The following ISX variants were observed in gnomAD, a reference collection of about 807,000 sequenced individuals.
The protein encoded by ISX is intestine-specific homeobox.
ISX carries 15 observed loss-of-function variants against 16.9 expected under a neutral mutation model. The observed-to-expected ratio is 0.89, with a 90% CI of 0.59 to 1.36. The LOEUF (loss-of-function observed/expected upper bound fraction) is 1.36. Among genes scored for constraint, ISX ranks in the 40% most tolerant of loss-of-function variants. The probability of loss-of-function intolerance (pLI) is 0.00; values close to 1 mark genes in which losing one functional copy is unlikely to be tolerated. For synonymous variants in ISX, 125 were observed against 119.7 expected (o/e 1.04, Z -0.29); for missense variants, 316 against 306.1 (o/e 1.03, Z -0.24).
At chr22:35,075,079 A>C (rs546379247) in intron 2 of ISX, among the ~76,000 whole-genome samples, 1 of 152,344 alleles carries the variant, frequency 6.6e-6, no homozygotes, top group South Asian at 2.1e-4. Flanking sequence ...TACGATATAC[A>C]AACCTAACAA....
intron 3 of ISX, among the ~76,000 whole-genome samples, chr22:35,083,566 C>T (rs1316862047): frequency 6.6e-6 from 1 of 152,246 alleles, no homozygotes; most frequent in Non-Finnish European, 1.5e-5. Flanking sequence ...TCCACCAGAT[C>T]TCACTGTGGC....
At chr22:35,083,852 G>T (rs1348547916) in intron 3 of ISX, among the ~76,000 whole-genome samples, 1 of 152,224 alleles carries the variant, frequency 6.6e-6, no homozygotes, top group Non-Finnish European at 1.5e-5. Flanking sequence ...ATGGCCACAA[G>T]TCAGGGACCA....
At chr22:35,071,135 C>A (rs554192441) in intron 2 of ISX, among the ~76,000 whole-genome samples, 1 of 152,206 alleles carries the variant, frequency 6.6e-6, no homozygotes, top group Admixed American at 6.5e-5. Context: ...CCTCCCCGGC[C>A]CTGTCTACCT....
chr22:35,070,311 T>C (rs1469949936), intron 2 of ISX, among the ~76,000 whole-genome samples: 3 of 152,234 alleles, frequency 2.0e-5, no homozygotes. Context: ...CCCAGCCTCC[T>C]GCTCTCTCCT....
chr22:35,081,072 T>C (rs1453230953), intron 2 of ISX, among the ~76,000 whole-genome samples: 5 of 152,100 alleles, frequency 3.3e-5, no homozygotes, highest in Non-Finnish European at 7.4e-5. Context: ...AGCTAGCAAG[T>C]GGAATGAAGA....
Position 35,084,415 on chromosome 22 carries a change from G to A in ISX, c.414G>A (p.Arg138=), listed in dbSNP as rs372007711. ...TCCAGAATCAGCGAGCCAAGTGGCGGAAGCAGGAGAAGATTGGCAACCTGG... is the reference window on the plus strand; with the variant it reads ...TCCAGAATCAGCGAGCCAAGTGGCGAAAGCAGGAGAAGATTGGCAACCTGG... The part of the protein sequence containing the change: ...IWFQNQRAKW[R]KQEKIGNLGA... The change falls in exon 4 of 5, where the codon CGG becomes CGA. Residue 138 remains arginine (R), a synonymous_variant. Coordinates refer to ENST00000404699, the MANE Select transcript of ISX (RefSeq NM_001303508.2). The A allele has an allele frequency of 2.8e-5, 45 of 1,614,064 alleles. No individual in the cohort carries two copies. In the African/African-American group the frequency reaches 5.6e-4, roughly 20 times the overall value.
At chr22:35,071,320 G>A (rs1029579878) in intron 2 of ISX, among the ~76,000 whole-genome samples, 4 of 152,316 alleles carry the variant, frequency 2.6e-5, no homozygotes, top group Admixed American at 6.5e-5. Flanking sequence ...CAACCTGAGT[G>A]GCTTAAAACA....
intron 2 of ISX, among the ~76,000 whole-genome samples, chr22:35,070,115 A>G (rs1928811416): frequency 6.6e-6 from 1 of 152,140 alleles, no homozygotes; most frequent in Admixed American, 6.5e-5. Flanking sequence ...GGGCCAGGCT[A>G]GTTATCTGGG....
At chr22:35,070,834 A>G (rs1928832381) in intron 2 of ISX, among the ~76,000 whole-genome samples, 2 of 152,224 alleles carry the variant, frequency 1.3e-5, no homozygotes, top group Non-Finnish European at 2.9e-5. Context: ...AGCAAGGGAC[A>G]GCAATGTTTT....
chr22:35,067,105 C>A lies in ISX; in HGVS notation c.18C>A (p.Gly6=). 1 of 1,613,662 alleles carries A rather than the reference C, an allele frequency of 6.2e-7. No homozygotes were observed. Residue 6 remains glycine, a synonymous_variant, in exon 2 of 5, where the codon GGC becomes GGA. Coordinates refer to ENST00000404699, the MANE Select transcript of ISX (RefSeq NM_001303508.2). The part of the protein sequence containing the change: MCAEV[G]PALCRGMERN... Reference sequence around the variant, plus strand: ...GCCCCTCAATGTGTGCTGAGGTGGGCCCTGCTCTCTGCAGGGGTATGGAGA... The same window carrying A: ...GCCCCTCAATGTGTGCTGAGGTGGGACCTGCTCTCTGCAGGGGTATGGAGA...
intron 3 of ISX, 30 bp from the exon 4 acceptor site, chr22:35,084,353 C>A (rs200682436): frequency 2.6e-5 from 39 of 1,493,178 alleles, no homozygotes; most frequent in East Asian, 4.5e-5. Flanking sequence ...AAAACTCTTG[C>A]TTATCCCCGT....
chr22:35,085,358 C>T, intron 4 of ISX, 96 bp from the exon 5 acceptor site: 1 of 1,434,930 alleles, frequency 7.0e-7, no homozygotes, highest in Non-Finnish European at 9.7e-7. Context: ...GATCACACTA[C>T]CCACTCTTAG....
intron 2 of ISX, among the ~76,000 whole-genome samples, chr22:35,079,579 T>C (rs1383769428): frequency 6.6e-6 from 1 of 152,164 alleles, no homozygotes; most frequent in Non-Finnish European, 1.5e-5. Context: ...CGAGGCTCCC[T>C]TCCCTGGGAG....
chr22:35,084,069 G>A (rs1445293939), intron 3 of ISX, among the ~76,000 whole-genome samples: 12 of 152,214 alleles, frequency 7.9e-5, no homozygotes, highest in Admixed American at 2.0e-4. Context: ...ACATTTCCAC[G>A]TGGTGACTGT....
At chr22:35,069,602 G>T (rs1335089451) in intron 2 of ISX, among the ~76,000 whole-genome samples, 3 of 152,224 alleles carry the variant, frequency 2.0e-5, no homozygotes, top group Non-Finnish European at 4.4e-5. Context: ...CCTGGGGAAA[G>T]GATGGTCATG....
chr22:35,067,085 T>C lies in ISX; in HGVS notation c.-3T>C, dbSNP rs1462553696. 6.2e-7 allele frequency: 1 copy of C among 1,611,884 alleles called. No individual in the cohort carries two copies. The highest frequency in any genetic ancestry group is 8.5e-7 in the Non-Finnish European group (1 of 1,178,602). ...CTACACAGAGTCACCCCTGAGCCCC[T>C]CAATGTGTGCTGAGGTGGGCCCTGC... On this transcript the variant is annotated 5_prime_UTR_variant, in exon 2 of 5. Transcript: ENST00000404699.
chr22:35,071,044 C>G (rs187774230), intron 2 of ISX, among the ~76,000 whole-genome samples: 6 of 152,344 alleles, frequency 3.9e-5, no homozygotes, highest in Admixed American at 1.3e-4. Context: ...TCATCAAGGA[C>G]ATGACCCTGA....
chr22:35,080,978 A>G (rs1929111870), intron 2 of ISX, among the ~76,000 whole-genome samples: 3 of 152,252 alleles, frequency 2.0e-5, no homozygotes, highest in African/African-American at 7.2e-5. Context: ...CCGAGCCTTC[A>G]GCTTTTCTGC....
intron 3 of ISX, 48 bp from the exon 4 acceptor site, chr22:35,084,335 G>T: frequency 7.9e-7 from 1 of 1,270,440 alleles, no homozygotes; most frequent in South Asian, 1.2e-5. Flanking sequence ...AGTGGTATTA[G>T]ATGGAGGAAA....
Sources: gnomAD v4.1 joint callset for allele counts (sites outside exome capture counted in the v4.1 genomes callset) on GRCh38, gnomAD v4.1.1 for gene constraint, MANE v1.5 for transcripts, NCBI Gene and HGNC (gene_info 2026-07-23, HGNC 2026-07-21) for gene names.